The following CFAP47 variants were observed in gnomAD, a reference collection of about 807,000 sequenced individuals.
CFAP47 encodes cilia- and flagella-associated protein 47.
A neutral mutation model predicts 148.1 loss-of-function variants in CFAP47; 29 were observed. That is an observed-to-expected ratio of 0.20 (90% CI 0.15 to 0.27). CFAP47 has a LOEUF of 0.27. Among genes scored for constraint, CFAP47 ranks in the 10% least tolerant of loss-of-function variants. The probability of loss-of-function intolerance (pLI) is 1.00; values close to 1 mark genes in which losing one functional copy is unlikely to be tolerated. For synonymous variants in CFAP47, 664 were observed against 577.3 expected (o/e 1.15, Z -2.15); for missense variants, 1,872 against 1,697.5 (o/e 1.10, Z -1.81).
intron 29 of CFAP47, among the ~76,000 whole-genome samples, chrX:36,078,441 C>T (rs1265084814): frequency 9.0e-6 from 1 of 111,123 alleles, no homozygotes; most frequent in African/African-American, 3.3e-5. Flanking sequence ...TGAATTGATC[C>T]CTTTACCATT....
intron 30 of CFAP47, among the ~76,000 whole-genome samples, chrX:36,095,233 A>G (rs1279755739): frequency 8.9e-6 from 1 of 111,884 alleles, no homozygotes; most frequent in Non-Finnish European, 1.9e-5. Flanking sequence ...CAACAGGGAT[A>G]AATCTCACCT....
intron 30 of CFAP47, among the ~76,000 whole-genome samples, chrX:36,096,624 G>A (rs989503292): frequency 3.7e-5 from 4 of 109,502 alleles, no homozygotes; most frequent in South Asian, 3.7e-4. Context: ...TATAGTTTTT[G>A]TATTGAAATC....
intron 32 of CFAP47, among the ~76,000 whole-genome samples, chrX:36,101,553 C>T (rs73470975): frequency 0.026 from 2,917 of 111,486 alleles, 95 homozygotes; most frequent in African/African-American, 0.09. Context: ...GAGGTATGAG[C>T]GCTTGATCTG....
intron 45 of CFAP47, 160 bp from the exon 46 acceptor site, chrX:36,228,468 A>G (rs1417491160): frequency 9.4e-6 from 4 of 424,296 alleles, no homozygotes; most frequent in African/African-American, 7.5e-5. Flanking sequence ...ATAAGCTTGC[A>G]TGGTAAGCCC....
At chrX:36,174,201 T>C (rs368016088) in intron 39 of CFAP47, among the ~76,000 whole-genome samples, 162 of 106,278 alleles carry the variant, frequency 1.5e-3, no homozygotes, top group African/African-American at 3.9e-3. Flanking sequence ...TGTCTCTGCA[T>C]GTGAGATGGG....
chrX:35,981,454 G>C (rs1357429338), intron 15 of CFAP47, among the ~76,000 whole-genome samples: 1 of 108,348 alleles, frequency 9.2e-6, no homozygotes, highest in Non-Finnish European at 1.9e-5. Flanking sequence ...AAAAGTAAGA[G>C]GATAAAAAAC....
chrX:36,234,402 C>T (rs182281119), intron 46 of CFAP47, among the ~76,000 whole-genome samples: 6 of 112,063 alleles, frequency 5.4e-5, no homozygotes, highest in Admixed American at 1.9e-4. Context: ...TCCAGTTGAT[C>T]GCATCGGCTC....
chrX:36,378,463 T>C (rs782448004), intron 62 of CFAP47, among the ~76,000 whole-genome samples: 3 of 112,545 alleles, frequency 2.7e-5, no homozygotes, highest in Non-Finnish European at 5.6e-5. Context: ...TATGGATTAA[T>C]TTACAAATGC....
intron 62 of CFAP47, among the ~76,000 whole-genome samples, chrX:36,378,634 G>C (rs1942046306): frequency 9.0e-6 from 1 of 111,634 alleles, no homozygotes; most frequent in African/African-American, 3.3e-5. Flanking sequence ...CTGCCTCCCG[G>C]GTTCAAGCGA....
At chrX:36,059,383 G>A (rs911726443) in intron 26 of CFAP47, among the ~76,000 whole-genome samples, 2 of 111,615 alleles carry the variant, frequency 1.8e-5, no homozygotes, top group Non-Finnish European at 3.8e-5. Flanking sequence ...GTTCCATCAG[G>A]CTGCAAATAT....
intron 44 of CFAP47, 51 bp downstream of exon 44, chrX:36,201,551 TAC>T: frequency 3.4e-6 from 1 of 295,385 alleles, no homozygotes; most frequent in Non-Finnish European, 5.9e-6. Flanking sequence ...TCTTTAAAAA[TAC>T]ACAGAGTTAC....
chrX:36,048,356 C>A (rs1937490626), intron 26 of CFAP47, among the ~76,000 whole-genome samples: 1 of 111,456 alleles, frequency 9.0e-6, no homozygotes, highest in Admixed American at 9.6e-5. Flanking sequence ...GTTTTTTGCC[C>A]TATGTTGAAG....
chrX:36,168,874 T>G (rs1215818929), intron 39 of CFAP47, among the ~76,000 whole-genome samples: 1 of 112,757 alleles, frequency 8.9e-6, no homozygotes, highest in Non-Finnish European at 1.9e-5. Flanking sequence ...TAATTTCTTG[T>G]GTCCTTTTAT....
rs1331933288 is a variant in CFAP47 at position 36,200,489 on chromosome X, A to C, written c.6432A>C (p.Glu2144Asp). 1 of 294,793 alleles carries C rather than the reference A, an allele frequency of 3.4e-6. No individual in the cohort carries two copies. Among genetic ancestry groups the C allele is most frequent in the African/African-American group, 2.8e-5 (1 of 36,304 alleles). 24.3% of individuals were successfully genotyped at this position (294,793 alleles called of 1,213,427 possible). ...SSPVYYSTTR[E>D]EGPNKKYPVL... The stretch of plus-strand genomic sequence containing the variant: ...CAGTTTATTACAGCACTACTCGAGA[A>C]GAAGGTAGAGTACACATGTGTTTTA... The change falls in exon 43 of 64, where the codon GAA (glutamate) becomes GAC (aspartate). Residue 2144 changes from glutamate (E) to aspartate (D), a missense_variant. By Grantham distance (45) the Glu-to-Asp change is conservative. Coordinates refer to ENST00000378653, the MANE Select transcript of CFAP47 (RefSeq NM_001304548.2).
intron 45 of CFAP47, among the ~76,000 whole-genome samples, chrX:36,217,441 C>T (rs1940169915): frequency 9.0e-6 from 1 of 111,002 alleles, no homozygotes; most frequent in African/African-American, 3.3e-5. Flanking sequence ...TTACCCATTT[C>T]TTCTTTTCTC....
intron 59 of CFAP47, 77 bp from the exon 60 acceptor site, chrX:36,353,452 T>C: frequency 3.3e-6 from 3 of 908,666 alleles, no homozygotes; most frequent in South Asian, 2.3e-5. Context: ...TTTTATGACA[T>C]AGTTCATTTT....
chrX:36,290,103 A>C (rs1461596831), intron 51 of CFAP47, among the ~76,000 whole-genome samples: 2 of 91,006 alleles, frequency 2.2e-5, no homozygotes, highest in East Asian at 6.5e-4. Context: ...AGTTCTTTTT[A>C]TTTTTTCATC....
chrX:36,074,756 C>T (rs1389198101), intron 29 of CFAP47, among the ~76,000 whole-genome samples: 1 of 111,373 alleles, frequency 9.0e-6, no homozygotes, highest in African/African-American at 3.3e-5. Context: ...TGTATAATTG[C>T]AACCTTGTAT....
rs376682738 is a variant in CFAP47 at position 36,138,330 on chromosome X, A to AT, written c.5419-5dup. The AT allele has an allele frequency of 0.077, 49,843 of 650,163 alleles. 3 individuals are homozygous for AT. Among genetic ancestry groups the AT allele is most frequent in the East Asian group, 0.1 (1,979 of 18,901 alleles). The allele number at this position is 650,163 out of a possible 1,213,427, so 53.6% of individuals were successfully genotyped here. ...TTTTATTCCATTACCAAAAGGTTTG[A>AT]TTTTTTTTTTTTTACAGATTGAGTC... On this transcript the variant is annotated splice_polypyrimidine_tract_variant and intron_variant, in intron 34 of 63. Transcript: ENST00000378653.
Sources: allele counts gnomAD v4.1 joint callset (sites outside exome capture counted in the v4.1 genomes callset), GRCh38; gene constraint gnomAD v4.1.1; transcripts MANE v1.5; gene names NCBI Gene and HGNC (gene_info 2026-07-23, HGNC 2026-07-21).